Variants in TRHDE observed in about 807,000 individuals in gnomAD.
The protein encoded by TRHDE is thyrotropin releasing hormone degrading enzyme.
Under a neutral mutation model 125.7 loss-of-function variants are expected in TRHDE, and 72 were observed. The observed-to-expected ratio is 0.57, with a 90% confidence interval of 0.47 to 0.70. The LOEUF is 0.70. Ranked by LOEUF, TRHDE falls within the 30% of genes least tolerant of loss-of-function variation. The pLI is 0.00. For synonymous variants in TRHDE, 509 were observed against 509.1 expected (o/e 1.00, Z 0.00); for missense variants, 1,110 against 1,327.1 (o/e 0.84, Z 2.54).
At chr12:72,441,060 T>C (rs925463684) in intron 3 of TRHDE, among the ~76,000 whole-genome samples, 5 of 151,852 alleles carry the variant, frequency 3.3e-5, no homozygotes, top group African/African-American at 9.7e-5. Flanking sequence ...GGAATCAAAA[T>C]ACTGTTATAC....
intron 2 of TRHDE, among the ~76,000 whole-genome samples, chr12:72,339,685 A>C (rs962468435): frequency 3.3e-5 from 5 of 152,186 alleles, no homozygotes; most frequent in African/African-American, 1.2e-4. Context: ...GTTCATTCAA[A>C]ACAAAATCAA....
At chr12:72,510,452 A>T (rs1419614050) in intron 6 of TRHDE, among the ~76,000 whole-genome samples, 2 of 152,118 alleles carry the variant, frequency 1.3e-5, no homozygotes, top group Non-Finnish European at 2.9e-5. Flanking sequence ...AATCTCCCAC[A>T]CTTGTAACAT....
chr12:72,610,716 C>T (rs1049399541), intron 12 of TRHDE: 2 of 152,160 alleles, frequency 1.3e-5, no homozygotes, highest in African/African-American at 4.8e-5. Flanking sequence ...AGAACATCAC[C>T]ATGGTGCAGG....
intron 3 of TRHDE, among the ~76,000 whole-genome samples, chr12:72,459,712 TG>T (rs1395495630): frequency 6.6e-6 from 1 of 152,104 alleles, no homozygotes; most frequent in Non-Finnish European, 1.5e-5. Context: ...CTCGACCTCC[TG>T]GGCTCAAGCA....
intron 6 of TRHDE, among the ~76,000 whole-genome samples, chr12:72,503,615 G>A (rs1239102153): frequency 6.6e-6 from 1 of 152,146 alleles, no homozygotes; most frequent in Non-Finnish European, 1.5e-5. Context: ...AATTTGATAT[G>A]TAGTATTAAC....
intron 5 of TRHDE, among the ~76,000 whole-genome samples, chr12:72,490,390 T>TTATTATGGAAAA (rs754061080): frequency 3.9e-5 from 6 of 151,904 alleles, no homozygotes; most frequent in Non-Finnish European, 7.4e-5. Context: ...GAATATACAG[T>TTATTATGGAAAA]TATTATGGAA....
At chr12:72,415,536 C>A (rs1195656184) in intron 3 of TRHDE, among the ~76,000 whole-genome samples, 1 of 151,888 alleles carries the variant, frequency 6.6e-6, no homozygotes, top group African/African-American at 2.4e-5. Context: ...TCTGCTCCCC[C>A]TCCCCACTAC....
intron 7 of TRHDE, among the ~76,000 whole-genome samples, chr12:72,558,553 TAGC>T (rs1870029154): frequency 1.3e-5 from 2 of 152,168 alleles, no homozygotes; most frequent in African/African-American, 4.8e-5. Context: ...ATTCTGAACA[TAGC>T]AGGGATTTAT....
intron 2 of TRHDE, among the ~76,000 whole-genome samples, chr12:72,296,076 A>G (rs1394459997): frequency 6.6e-6 from 1 of 152,036 alleles, no homozygotes; most frequent in Non-Finnish European, 1.5e-5. Context: ...TAGACTGTGA[A>G]CTCTTTGAAG....
At chr12:72,284,843 G>A (rs1010587174) in intron 1 of TRHDE, among the ~76,000 whole-genome samples, 2 of 152,110 alleles carry the variant, frequency 1.3e-5, no homozygotes, top group Non-Finnish European at 2.9e-5. Context: ...AAGATTTACA[G>A]TTAAAATCTC....
intron 2 of TRHDE, among the ~76,000 whole-genome samples, chr12:72,315,291 G>C (rs1432418098): frequency 6.6e-6 from 1 of 152,128 alleles, no homozygotes; most frequent in African/African-American, 2.4e-5. Flanking sequence ...GATAACTAAG[G>C]ATTGCTTTTT....
intron 2 of TRHDE, among the ~76,000 whole-genome samples, chr12:72,196,625 C>T (rs1284197151): frequency 6.6e-6 from 1 of 152,090 alleles, no homozygotes; most frequent in Non-Finnish European, 1.5e-5. Context: ...CCCACCACCA[C>T]ATCTTTTCAC....
intron 1 of TRHDE, among the ~76,000 whole-genome samples, chr12:72,281,549 T>C (rs1879698600): frequency 6.6e-6 from 1 of 152,202 alleles, no homozygotes; most frequent in African/African-American, 2.4e-5. Flanking sequence ...TTCAAAATCA[T>C]TTTGCACTGT....
chr12:72,432,658 C>T (rs183452188), intron 3 of TRHDE, among the ~76,000 whole-genome samples: 31 of 152,232 alleles, frequency 2.0e-4, no homozygotes, highest in African/African-American at 7.5e-4. Flanking sequence ...GTTTGGGGAT[C>T]CAGGGAGAAG....
intron 2 of TRHDE, among the ~76,000 whole-genome samples, chr12:72,354,303 G>A (rs1870716650): frequency 6.6e-6 from 1 of 151,648 alleles, no homozygotes; most frequent in Admixed American, 6.6e-5. Flanking sequence ...AAGTACATGA[G>A]AGTAGTTACT....
At chr12:72,628,239 G>A (rs1234319538) in intron 15 of TRHDE, among the ~76,000 whole-genome samples, 1 of 151,838 alleles carries the variant, frequency 6.6e-6, no homozygotes, top group Non-Finnish European at 1.5e-5. Context: ...ACTGTGATGA[G>A]AAGCCAGATG....
At chr12:72,393,929 C>G (rs1202701188) in intron 3 of TRHDE, among the ~76,000 whole-genome samples, 2 of 152,120 alleles carry the variant, frequency 1.3e-5, no homozygotes, top group African/African-American at 2.4e-5. Flanking sequence ...AACTCTCATG[C>G]ATTTTCTTTC....
In TRHDE at chr12:72,563,013, C is replaced by T; in HGVS notation, c.2015C>T (p.Thr672Ile). 1 of 1,601,916 alleles carries T rather than the reference C, an allele frequency of 6.2e-7. No homozygotes were observed. Reference sequence around the variant, plus strand: ...TTTATCTATGATATCAGTGCTAAAACTAAAGCACTTAAACTTCAGAATAAC... The same window carrying T: ...TTTATCTATGATATCAGTGCTAAAATTAAAGCACTTAAACTTCAGAATAAC... ...QHFIYDISAK[T>I]KALKLQNNSY... is the part of the protein sequence containing the mutation. Residue 672 changes from threonine (T) to isoleucine (I), a missense_variant, in exon 9 of 19, where the codon ACT (threonine) becomes ATT (isoleucine). Around this residue, in one of 5 missense-constraint regions of TRHDE, gnomAD observed 527 missense variants for 651.8 expected, o/e 0.81. Transcript: ENST00000261180.
chr12:72,127,730 C>T lies in TRHDE; in HGVS notation n.279+21978C>T, dbSNP rs965948991. Among the ~76,000 whole-genome samples, 8 of 152,236 alleles carry T rather than the reference C, an allele frequency of 5.3e-5. No individual in the cohort carries two copies. In the East Asian group the frequency reaches 1.5e-3, roughly 29 times the overall value. ...AAACCATTAGGTACTATGCTCACTA[C>T]TTGAGTGATGAGATCACTTATATTC... On this transcript the variant is annotated intron_variant and non_coding_transcript_variant, in intron 2 of 4. Transcript: ENST00000548156.
Sources: allele counts gnomAD v4.1 joint callset (sites outside exome capture counted in the v4.1 genomes callset), GRCh38; gene constraint gnomAD v4.1.1; regional missense constraint gnomAD v4.1.1; transcripts MANE v1.5; gene names NCBI Gene and HGNC (gene_info 2026-07-23, HGNC 2026-07-21).